The following LIMD1 variants were observed in gnomAD, a reference collection of about 807,000 sequenced individuals.
LIMD1 encodes LIM domain containing 1, also known as LIM domain-containing protein 1.
A neutral mutation model predicts 58.4 loss-of-function variants in LIMD1; 23 were observed. The ratio of observed to expected loss-of-function variants is 0.39; its 90% CI spans 0.28 to 0.56. The LOEUF is 0.56. LIMD1 is among the 20% of genes least tolerant of loss of function. LIMD1 has a pLI of 0.57. For synonymous variants in LIMD1, 334 were observed against 345.5 expected, an observed-to-expected ratio of 0.97 and a Z score of 0.37; for missense variants, 838 against 855.5, an observed-to-expected ratio of 0.98 and a Z score of 0.25.
In LIMD1 at chr3:45,595,012, C is replaced by T. The variant is rs1027734992; in HGVS notation, c.133C>T (p.Arg45Cys). The change falls in exon 1 of 8, where the codon CGC becomes TGC. Residue 45 changes from arginine (R) to cysteine (C), a missense_variant. Physicochemically the swap from Arg to Cys is radical, Grantham distance 180. This residue lies in a region of LIMD1 where 659 missense variants were observed against 639.8 expected (regional missense o/e 1.03). Coordinates refer to ENST00000273317, the MANE Select transcript of LIMD1 (RefSeq NM_014240.3). Reference sequence around the variant, plus strand: ...CAACAACCCCGAGTTTGAGGAAACTCGCAGGGTGTTCGCCACCAAGATGGC... The same window carrying T: ...CAACAACCCCGAGTTTGAGGAAACTTGCAGGGTGTTCGCCACCAAGATGGC... Reference protein sequence around the residue: ...AGNNPEFEETRRVFATKMAKI... With the variant: ...AGNNPEFEETCRVFATKMAKI... 3.7e-6 allele frequency: 6 copies of T among 1,613,854 alleles called. No homozygotes were observed. Among genetic ancestry groups the T allele is most frequent in the Admixed American group, 1.7e-5 (1 of 60,002 alleles).
intron 2 of LIMD1, among the ~76,000 whole-genome samples, chr3:45,658,680 T>C (rs1334595020): frequency 6.6e-6 from 1 of 151,276 alleles, no homozygotes; most frequent in Non-Finnish European, 1.5e-5. Flanking sequence ...CTCAGCCTCC[T>C]GAGTAGCTGG....
chr3:45,612,492 C>T (rs9853084), intron 1 of LIMD1, among the ~76,000 whole-genome samples: 1,626 of 151,012 alleles, frequency 0.011, 36 homozygotes, highest in African/African-American at 0.036. Context: ...ATTCACAAGC[C>T]TTTCCACACT....
rs190807816 is a variant in LIMD1, at chr3:45,610,222, C to G, written c.1408+13935C>G. On this transcript the variant is annotated intron_variant, in intron 1 of 7. Transcript: ENST00000273317. ...CTTCTCGAATGAATATGTGTACACT[C>G]TGGCCAGATGTGGGGAGCAGATACT... Among the ~76,000 whole-genome samples the G allele has an allele frequency of 1.3e-3, 197 of 152,282 alleles. 1 individual carries two copies. Among genetic ancestry groups the G allele is most frequent in the Admixed American group, 9.3e-3 (142 of 15,302 alleles).
At chr3:45,619,837 C>A (rs969816323) in intron 1 of LIMD1, among the ~76,000 whole-genome samples, 1 of 139,192 alleles carries the variant, frequency 7.2e-6, no homozygotes, top group South Asian at 2.6e-4. Context: ...CGCCCCCCCC[C>A]CCAAAAAAAG....
intron 1 of LIMD1, among the ~76,000 whole-genome samples, chr3:45,617,604 G>C (rs1486084043): frequency 6.6e-6 from 1 of 152,200 alleles, no homozygotes; most frequent in African/African-American, 2.4e-5. Context: ...TTTCTCTCCT[G>C]TTTTGAAGAT....
At chr3:45,599,560 T>C (rs1462849441) in intron 1 of LIMD1, among the ~76,000 whole-genome samples, 2 of 152,210 alleles carry the variant, frequency 1.3e-5, no homozygotes, top group Admixed American at 1.3e-4. Flanking sequence ...GCCCCAGTGG[T>C]GGCATGCTGT....
intron 2 of LIMD1, among the ~76,000 whole-genome samples, chr3:45,659,350 C>G (rs1697395401): frequency 6.6e-6 from 1 of 152,068 alleles, no homozygotes; most frequent in Non-Finnish European, 1.5e-5. Flanking sequence ...ACCTGTAATC[C>G]TGAGATGGGC....
intron 2 of LIMD1, among the ~76,000 whole-genome samples, chr3:45,643,277 G>A (rs575968505): frequency 2.0e-5 from 3 of 152,226 alleles, no homozygotes; most frequent in African/African-American, 7.2e-5. Context: ...TTGAGGTCAC[G>A]AGTTTGAGAC....
intron 1 of LIMD1, among the ~76,000 whole-genome samples, chr3:45,609,917 G>C (rs1240515901): frequency 6.6e-6 from 1 of 152,184 alleles, no homozygotes; most frequent in Admixed American, 6.5e-5. Flanking sequence ...AATGAGGCTG[G>C]GTGCGGTGGC....
intron 6 of LIMD1, 78 bp downstream of exon 6, chr3:45,673,583 G>T (rs1264831743): frequency 1.7e-6 from 2 of 1,174,048 alleles, no homozygotes; most frequent in Non-Finnish European, 2.6e-6. Flanking sequence ...CAAGATCCAT[G>T]TCCTGTCCTT....
At chr3:45,650,656 AG>A (rs1701959136) in intron 2 of LIMD1, among the ~76,000 whole-genome samples, 1 of 152,080 alleles carries the variant, frequency 6.6e-6, no homozygotes, top group Non-Finnish European at 1.5e-5. Context: ...GTCCCCAAAA[AG>A]GACATGAACT....
At chr3:45,668,201 T>G (rs151311076) in intron 3 of LIMD1, 93 bp from the exon 4 acceptor site, 2 of 968,476 alleles carry the variant, frequency 2.1e-6, no homozygotes, top group Non-Finnish European at 3.2e-6. Context: ...CACATCTTTC[T>G]GAGAAATTCC....
rs865796143 is a variant in LIMD1 at position 45,616,172 on chromosome 3, G to T, written c.1408+19885G>T. Among the ~76,000 whole-genome samples the T allele has an allele frequency of 3.3e-5, 5 of 152,086 alleles. No homozygotes were observed. In the South Asian group the frequency reaches 8.3e-4, roughly 25 times the overall value. ...CGCAGGAATGGCTGGGTTCTATTTT[G>T]ATATGAGTAATTTTGGAATCAGAAT... is the stretch of plus-strand genomic sequence containing the variant. On this transcript the variant is annotated intron_variant, in intron 1 of 7. Coordinates refer to ENST00000273317, the MANE Select transcript of LIMD1 (RefSeq NM_014240.3).
chr3:45,645,509 C>A (rs1306231651), intron 2 of LIMD1, among the ~76,000 whole-genome samples: 1 of 152,164 alleles, frequency 6.6e-6, no homozygotes, highest in Non-Finnish European at 1.5e-5. Flanking sequence ...GTGGTAGTCC[C>A]AGACCAAGGG....
chr3:45,675,375 C>G (rs1463495949), intron 7 of LIMD1, among the ~76,000 whole-genome samples: 1 of 152,184 alleles, frequency 6.6e-6, no homozygotes, highest in African/African-American at 2.4e-5. Context: ...ACTAAAAATA[C>G]AAAGATTAGT....
chr3:45,677,121 CGGT>C lies in LIMD1; in HGVS notation c.*65_*67del. ...GAGCCGGGGTTGCTGCTGCTGCTTCCGGTGGCCCCTGGGGTGGAAGTGGGGTAG... is the reference window on the plus strand; with the variant it reads ...GAGCCGGGGTTGCTGCTGCTGCTTCCGGCCCCTGGGGTGGAAGTGGGGTAG... On this transcript the variant is annotated 3_prime_UTR_variant, in exon 8 of 8. Transcript: ENST00000273317. 1.9e-6 allele frequency: 3 copies of C among 1,581,490 alleles called. No homozygotes were observed. Among genetic ancestry groups the C allele is most frequent in the Non-Finnish European group, 2.6e-6 (3 of 1,161,668 alleles).
chr3:45,629,758 G>A (rs2125656473), intron 1 of LIMD1, among the ~76,000 whole-genome samples: 1 of 152,288 alleles, frequency 6.6e-6, no homozygotes, highest in Non-Finnish European at 1.5e-5. Flanking sequence ...ACACTGGCAG[G>A]CCATCAGCCG....
At chr3:45,637,282 A>ATT (rs35720186) in intron 2 of LIMD1, among the ~76,000 whole-genome samples, 6,826 of 144,616 alleles carry the variant, frequency 0.047, 485 homozygotes, top group African/African-American at 0.15. Flanking sequence ...AAGTGTATTA[A>ATT]TTTTTTTTTT....
intron 2 of LIMD1, among the ~76,000 whole-genome samples, chr3:45,656,337 G>T (rs1702026896): frequency 6.6e-6 from 1 of 152,076 alleles, no homozygotes; most frequent in African/African-American, 2.4e-5. Context: ...AGACAGTATA[G>T]TGTGGTGGAA....
Sources: gnomAD v4.1 joint callset for allele counts (sites outside exome capture counted in the v4.1 genomes callset) on GRCh38, gnomAD v4.1.1 for gene constraint, gnomAD v4.1.1 regional missense constraint, MANE v1.5 for transcripts, NCBI Gene and HGNC (gene_info 2026-07-23, HGNC 2026-07-21) for gene names.